CFAP299: variants seen among roughly 807,000 people sequenced by gnomAD.
CFAP299 encodes cilia and flagella associated protein 299.
CFAP299 carries 21 observed loss-of-function variants against 27.0 expected under a neutral mutation model. The ratio of observed to expected loss-of-function variants is 0.78; its 90% CI spans 0.55 to 1.12. CFAP299 has a LOEUF of 1.12. CFAP299 is among the 50% of genes most tolerant of loss of function. CFAP299 has a pLI of 0.00. For synonymous variants in CFAP299, 104 were observed against 98.1 expected, an observed-to-expected ratio of 1.06 and a Z score of -0.36; for missense variants, 310 against 276.6, an observed-to-expected ratio of 1.12 and a Z score of -0.86.
chr4:80,755,697 G>T (rs927657652), intron 3 of CFAP299, among the ~76,000 whole-genome samples: 1 of 152,086 alleles, frequency 6.6e-6, no homozygotes, highest in African/African-American at 2.4e-5. Flanking sequence ...TCCTGTGCAA[G>T]GAGCAGTGCA....
intron 3 of CFAP299, among the ~76,000 whole-genome samples, chr4:80,839,130 G>A (rs953020455): frequency 1.3e-5 from 2 of 152,092 alleles, no homozygotes; most frequent in Non-Finnish European, 2.9e-5. Flanking sequence ...AAAGAATTGT[G>A]AACTGCTTGG....
At chr4:80,712,000 A>G (rs992378439) in intron 3 of CFAP299, among the ~76,000 whole-genome samples, 12 of 152,180 alleles carry the variant, frequency 7.9e-5, no homozygotes, top group Non-Finnish European at 1.6e-4. Context: ...CTTCCTGGTT[A>G]CTTTCTAATG....
At chr4:80,464,558 C>G (rs1729615779) in intron 2 of CFAP299, among the ~76,000 whole-genome samples, 1 of 152,184 alleles carries the variant, frequency 6.6e-6, no homozygotes, top group Non-Finnish European at 1.5e-5. Context: ...TGCAAACTAG[C>G]AAACTTCTCA....
intron 2 of CFAP299, among the ~76,000 whole-genome samples, chr4:80,371,824 A>G (rs1485212720): frequency 2.0e-5 from 3 of 152,176 alleles, no homozygotes; most frequent in Non-Finnish European, 4.4e-5. Flanking sequence ...GTATCTAGGA[A>G]GCTTTAAGAT....
At chr4:80,903,708 A>C (rs1735045615) in intron 4 of CFAP299, among the ~76,000 whole-genome samples, 1 of 152,100 alleles carries the variant, frequency 6.6e-6, no homozygotes, top group Admixed American at 6.6e-5. Context: ...TATTCTTTCA[A>C]CTGCTATAAG....
intron 2 of CFAP299, among the ~76,000 whole-genome samples, chr4:80,493,297 TG>T (rs748854166): frequency 6.6e-6 from 1 of 152,222 alleles, no homozygotes; most frequent in Non-Finnish European, 1.5e-5. Context: ...TCACCGATGG[TG>T]GGTGCACATT....
At chr4:80,708,171 T>A (rs139988826) in intron 3 of CFAP299, among the ~76,000 whole-genome samples, 1 of 152,228 alleles carries the variant, frequency 6.6e-6, no homozygotes, top group Non-Finnish European at 1.5e-5. Context: ...TCATTTGTTT[T>A]GATTTTCATA....
chr4:80,760,451 A>G (rs1725485670), intron 3 of CFAP299, among the ~76,000 whole-genome samples: 1 of 152,184 alleles, frequency 6.6e-6, no homozygotes. Context: ...AATAACGCTG[A>G]AAGTGTAATG....
At chr4:80,600,285 ATT>A (rs1385277635) in intron 3 of CFAP299, among the ~76,000 whole-genome samples, 2 of 152,008 alleles carry the variant, frequency 1.3e-5, no homozygotes, top group Non-Finnish European at 2.9e-5. Flanking sequence ...TCCAAAGAAA[ATT>A]TTCTCTTCCT....
chr4:80,604,002 A>G (rs1577921427), intron 3 of CFAP299, among the ~76,000 whole-genome samples: 1 of 152,300 alleles, frequency 6.6e-6, no homozygotes, highest in Non-Finnish European at 1.5e-5. Context: ...CACTTAAAAA[A>G]TACTTGAATA....
chr4:80,745,236 C>G (rs1231853652), intron 3 of CFAP299, among the ~76,000 whole-genome samples: 1 of 152,136 alleles, frequency 6.6e-6, no homozygotes, highest in Non-Finnish European at 1.5e-5. Flanking sequence ...CCACTTTACA[C>G]ATGAGGAAAC....
At chr4:80,736,552 A>G (rs1327439951) in intron 3 of CFAP299, among the ~76,000 whole-genome samples, 1 of 152,188 alleles carries the variant, frequency 6.6e-6, no homozygotes, top group Non-Finnish European at 1.5e-5. Flanking sequence ...GCCAAAAAAC[A>G]CATGAAAAAA....
intron 3 of CFAP299, among the ~76,000 whole-genome samples, chr4:80,859,266 G>C (rs1218280049): frequency 2.0e-5 from 3 of 152,038 alleles, no homozygotes; most frequent in Non-Finnish European, 2.9e-5. Context: ...TTGCTTGGTA[G>C]ATCTTCCTCC....
chr4:80,891,794 A>AATAAAT (rs1319132340), intron 4 of CFAP299, among the ~76,000 whole-genome samples: 1 of 141,564 alleles, frequency 7.1e-6, no homozygotes, highest in African/African-American at 2.7e-5. Flanking sequence ...AAAAATAAAA[A>AATAAAT]AAAAAATAAA....
intron 2 of CFAP299, among the ~76,000 whole-genome samples, chr4:80,489,778 A>G (rs1731021104): frequency 6.6e-6 from 1 of 152,208 alleles, no homozygotes; most frequent in Non-Finnish European, 1.5e-5. Flanking sequence ...GCATATCGTT[A>G]TGATCTCTCA....
At chr4:80,461,892 C>T (rs2110107093) in intron 2 of CFAP299, among the ~76,000 whole-genome samples, 1 of 152,296 alleles carries the variant, frequency 6.6e-6, no homozygotes, top group South Asian at 2.1e-4. Flanking sequence ...TGAACTTCCT[C>T]AAACTCCTGC....
At chr4:80,701,287 A>G (rs1416506211) in intron 3 of CFAP299, among the ~76,000 whole-genome samples, 1 of 152,060 alleles carries the variant, frequency 6.6e-6, no homozygotes, top group Admixed American at 6.6e-5. Flanking sequence ...CAGATTTCTC[A>G]TAGCTCTTCC....
At chr4:80,776,948 A>G (rs1251824352) in intron 3 of CFAP299, among the ~76,000 whole-genome samples, 1 of 151,232 alleles carries the variant, frequency 6.6e-6, no homozygotes, top group African/African-American at 2.4e-5. Flanking sequence ...AAAATAGGTT[A>G]TATACTCTTG....
At chr4:80,795,016 T>C (rs1014211599) in intron 3 of CFAP299, among the ~76,000 whole-genome samples, 38 of 152,110 alleles carry the variant, frequency 2.5e-4, no homozygotes, top group African/African-American at 8.9e-4. Flanking sequence ...ATGGCCACTT[T>C]GTTCATGGGC....
Sources: gnomAD v4.1 joint callset for allele counts (sites outside exome capture counted in the v4.1 genomes callset) on GRCh38, gnomAD v4.1.1 for gene constraint, MANE v1.5 for transcripts, NCBI Gene and HGNC (gene_info 2026-07-23, HGNC 2026-07-21) for gene names.